The following ME3 variants were observed in gnomAD, a reference collection of about 807,000 sequenced individuals.
The protein encoded by ME3 is malic enzyme 3.
In ME3, 48 loss-of-function variants were observed where a neutral mutation model predicts 68.9. The ratio of observed to expected loss-of-function variants is 0.70; its 90% CI spans 0.55 to 0.89. The LOEUF (loss-of-function observed/expected upper bound fraction) is 0.89, where lower values mean the gene tolerates loss of function less well. Ranked by LOEUF, ME3 falls within the 40% of genes least tolerant of loss-of-function variation. The pLI is 0.00. For missense variants in ME3, 675 were observed against 797.4 expected (o/e 0.85, Z 1.85); for synonymous variants, 320 against 318.8 (o/e 1.00, Z -0.04).
chr11:86,600,633 A>C (rs1209699194), intron 2 of ME3, among the ~76,000 whole-genome samples: 2 of 151,748 alleles, frequency 1.3e-5, no homozygotes, highest in African/African-American at 4.8e-5. Flanking sequence ...CTCCACCCCA[A>C]ATCAACAGAA....
intron 7 of ME3, among the ~76,000 whole-genome samples, chr11:86,484,387 C>T (rs1951577118): frequency 6.6e-6 from 1 of 152,160 alleles, no homozygotes; most frequent in African/African-American, 2.4e-5. Context: ...CAGCTCATTC[C>T]CCACCTACAG....
At chr11:86,647,230 T>C (rs1481840832) in intron 2 of ME3, among the ~76,000 whole-genome samples, 2 of 152,186 alleles carry the variant, frequency 1.3e-5, no homozygotes, top group African/African-American at 4.8e-5. Flanking sequence ...ATGGACTAAA[T>C]GCCCCAATTA....
At chr11:86,582,761 C>T (rs925317667) in intron 2 of ME3, among the ~76,000 whole-genome samples, 9 of 151,826 alleles carry the variant, frequency 5.9e-5, no homozygotes, top group Non-Finnish European at 1.2e-4. Context: ...GATCTCTTTC[C>T]CCCTAGAAGA....
intron 2 of ME3, among the ~76,000 whole-genome samples, chr11:86,579,311 C>A (rs557371181): frequency 1.3e-5 from 2 of 152,302 alleles, no homozygotes; most frequent in South Asian, 4.1e-4. Flanking sequence ...TGTGCAGGTC[C>A]AAACTTGCCC....
intron 4 of ME3, among the ~76,000 whole-genome samples, chr11:86,527,154 G>A (rs1954822219): frequency 1.3e-5 from 2 of 152,312 alleles, no homozygotes; most frequent in African/African-American, 4.8e-5. Flanking sequence ...AATAACCAAT[G>A]CAGAGAAATC....
intron 2 of ME3, among the ~76,000 whole-genome samples, chr11:86,597,162 C>T (rs1959628266): frequency 6.6e-6 from 1 of 152,204 alleles, no homozygotes; most frequent in Non-Finnish European, 1.5e-5. Context: ...AGCAGGACTC[C>T]ACTTCATAAG....
At chr11:86,584,992 C>T (rs1208388491) in intron 2 of ME3, among the ~76,000 whole-genome samples, 2 of 152,158 alleles carry the variant, frequency 1.3e-5, no homozygotes, top group Non-Finnish European at 2.9e-5. Context: ...AATAATACAT[C>T]TTCAAACATA....
chr11:86,551,002 G>A (rs1326609251), intron 4 of ME3, among the ~76,000 whole-genome samples: 2 of 151,812 alleles, frequency 1.3e-5, no homozygotes, highest in Admixed American at 6.6e-5. Context: ...GGGGGTTGCC[G>A]GTGGGCTGGT....
chr11:86,636,263 CTT>C (rs34315700), intron 2 of ME3, among the ~76,000 whole-genome samples: 14,103 of 148,482 alleles, frequency 0.095, 677 homozygotes, highest in South Asian at 0.13. Context: ...GTTTTTCTTT[CTT>C]TTTTTTTTTG....
At chr11:86,516,363 CTCTCTCTT>C (rs1046882202) in intron 4 of ME3, among the ~76,000 whole-genome samples, 2 of 121,802 alleles carry the variant, frequency 1.6e-5, no homozygotes, top group Non-Finnish European at 3.7e-5. Flanking sequence ...CTCTCTCTCT[CTCTCTCTT>C]TGTGTGTGTG....
chr11:86,522,939 C>T (rs916118761), intron 4 of ME3, among the ~76,000 whole-genome samples: 3 of 152,138 alleles, frequency 2.0e-5, no homozygotes, highest in Non-Finnish European at 4.4e-5. Context: ...GGGATTTGAG[C>T]ATCCATGGAT....
intron 7 of ME3, among the ~76,000 whole-genome samples, chr11:86,480,684 G>A (rs991053704): frequency 2.6e-5 from 4 of 152,196 alleles, no homozygotes; most frequent in African/African-American, 9.7e-5. Context: ...ACCCAGATGT[G>A]TGAGTGCTTT....
At chr11:86,603,800 A>G (rs1185360902) in intron 2 of ME3, among the ~76,000 whole-genome samples, 2 of 151,876 alleles carry the variant, frequency 1.3e-5, no homozygotes, top group Non-Finnish European at 2.9e-5. Context: ...TTGTAGGGGC[A>G]TGGATGAAAC....
chr11:86,556,679 T>TG lies in ME3; in HGVS notation c.340dup (p.Gln114ProfsTer51). The TG allele has an allele frequency of 6.2e-7, 1 of 1,614,080 alleles. No individual in the cohort carries two copies. The highest frequency in any genetic ancestry group is 8.5e-7 in the Non-Finnish European group (1 of 1,179,970). On this transcript the variant is annotated frameshift_variant, in exon 4 of 15. Transcript: ENST00000543262. LOFTEE classifies it high-confidence loss of function. ...GTAGAAGAGCTTCTCGTTCCGGTCT[T>TG]GGAGTGTCATGAGAATGATGTACCT...
chr11:86,437,440 A>G (rs974096556), downstream of ME3, among the ~76,000 whole-genome samples: 1 of 151,820 alleles, frequency 6.6e-6, no homozygotes, highest in African/African-American at 2.4e-5. Context: ...AATTTTTTTG[A>G]CTCTTTGAGA....
At chr11:86,538,670 A>G (rs1955846708) in intron 4 of ME3, among the ~76,000 whole-genome samples, 1 of 151,806 alleles carries the variant, frequency 6.6e-6, no homozygotes, top group Non-Finnish European at 1.5e-5. Context: ...TTCCCTCCTC[A>G]TGCTTCGGTT....
chr11:86,510,457 A>G (rs1011288854), intron 4 of ME3, among the ~76,000 whole-genome samples: 2 of 152,046 alleles, frequency 1.3e-5, no homozygotes, highest in African/African-American at 4.8e-5. Flanking sequence ...AATCTGTACT[A>G]TGCCACTTTT....
At chr11:86,651,174 C>A (rs572626499) in intron 2 of ME3, among the ~76,000 whole-genome samples, 5 of 152,320 alleles carry the variant, frequency 3.3e-5, no homozygotes, top group Admixed American at 2.6e-4. Context: ...GGGGGCAGGG[C>A]ATAGCCAAAC....
At chr11:86,559,531 G>A (rs1957095842) in intron 3 of ME3, among the ~76,000 whole-genome samples, 159 bp downstream of exon 3, 1 of 152,178 alleles carries the variant, frequency 6.6e-6, no homozygotes, top group South Asian at 2.1e-4. Flanking sequence ...GTCTCTCAGG[G>A]AGACCATGAA....
Sources: allele counts gnomAD v4.1 joint callset (sites outside exome capture counted in the v4.1 genomes callset), GRCh38; gene constraint gnomAD v4.1.1; transcripts MANE v1.5; gene names NCBI Gene and HGNC (gene_info 2026-07-23, HGNC 2026-07-21).